Variants in KCNQ5 observed in about 807,000 individuals in gnomAD.
KCNQ5 encodes potassium voltage-gated channel subfamily Q member 5, also known as potassium voltage-gated channel subfamily KQT member 5.
A neutral mutation model predicts 98.2 loss-of-function variants in KCNQ5; 30 were observed. The observed-to-expected ratio is 0.31, with a 90% CI of 0.23 to 0.41. The LOEUF is 0.41. Among genes scored for constraint, KCNQ5 ranks in the 10% least tolerant of loss-of-function variants. The pLI, the probability that KCNQ5 is intolerant of heterozygous loss-of-function variation, is 1.00. For missense variants in KCNQ5, 835 were observed against 1,182.5 expected, an observed-to-expected ratio of 0.71 and a Z score of 4.31; for synonymous variants, 458 against 449.4, an observed-to-expected ratio of 1.02 and a Z score of -0.24.
At chr6:72,919,963 C>T (rs1364755830) in intron 1 of KCNQ5, among the ~76,000 whole-genome samples, 2 of 152,122 alleles carry the variant, frequency 1.3e-5, no homozygotes, top group Non-Finnish European at 2.9e-5. Flanking sequence ...GGCCTGGCTG[C>T]TCACCAAAAG....
intron 1 of KCNQ5, among the ~76,000 whole-genome samples, chr6:72,642,637 G>A (rs1329426285): frequency 1.3e-5 from 2 of 152,112 alleles, no homozygotes; most frequent in African/African-American, 2.4e-5. Flanking sequence ...TGGAGAAAAG[G>A]GAACTCTCAT....
intron 11 of KCNQ5, among the ~76,000 whole-genome samples, chr6:73,184,100 GTCTT>G (rs1473532407): frequency 3.3e-5 from 5 of 152,042 alleles, no homozygotes; most frequent in African/African-American, 1.2e-4. Flanking sequence ...TTGCTATTAG[GTCTT>G]TCTTTACTTT....
At chr6:72,981,923 G>T (rs1001030182) in intron 1 of KCNQ5, among the ~76,000 whole-genome samples, 1 of 152,072 alleles carries the variant, frequency 6.6e-6, no homozygotes, top group African/African-American at 2.4e-5. Context: ...CCCAGTAGTC[G>T]TTCAGGAGCA....
chr6:72,901,587 C>G (rs2150194967), intron 1 of KCNQ5, among the ~76,000 whole-genome samples: 1 of 152,292 alleles, frequency 6.6e-6, no homozygotes, highest in Non-Finnish European at 1.5e-5. Flanking sequence ...TATCCCAGCA[C>G]CATTTGTTGA....
intron 5 of KCNQ5, among the ~76,000 whole-genome samples, chr6:73,092,645 T>C (rs192138729): frequency 8.7e-4 from 133 of 152,314 alleles, no homozygotes; most frequent in Middle Eastern, 3.4e-3. Context: ...TGTTGAATGC[T>C]TTTTCTGCGT....
chr6:72,673,051 C>T (rs1024522020), intron 1 of KCNQ5, among the ~76,000 whole-genome samples: 2 of 152,146 alleles, frequency 1.3e-5, no homozygotes, highest in Non-Finnish European at 2.9e-5. Context: ...AATAACTTTC[C>T]AGTAGTGAGG....
intron 3 of KCNQ5, among the ~76,000 whole-genome samples, chr6:73,061,882 T>A (rs1772796989): frequency 6.6e-6 from 1 of 152,140 alleles, no homozygotes. Flanking sequence ...CTCTAATCAA[T>A]CCTAGAATCG....
chr6:72,965,565 C>T (rs1767562140), intron 1 of KCNQ5, among the ~76,000 whole-genome samples: 1 of 152,086 alleles, frequency 6.6e-6, no homozygotes, highest in Non-Finnish European at 1.5e-5. Flanking sequence ...ATGGCCTCAT[C>T]GGGAATGTGA....
intron 1 of KCNQ5, among the ~76,000 whole-genome samples, chr6:72,650,502 T>G (rs1159790501): frequency 2.6e-5 from 4 of 152,162 alleles, no homozygotes; most frequent in Non-Finnish European, 5.9e-5. Context: ...CAAACTGGCT[T>G]AGACATCTTG....
At chr6:72,768,790 A>G (rs1772706447) in intron 1 of KCNQ5, among the ~76,000 whole-genome samples, 1 of 151,952 alleles carries the variant, frequency 6.6e-6, no homozygotes, top group African/African-American at 2.4e-5. Context: ...AATGTATTAA[A>G]TTTATTTTCA....
At chr6:72,756,943 C>T (rs1385656103) in intron 1 of KCNQ5, among the ~76,000 whole-genome samples, 2 of 151,998 alleles carry the variant, frequency 1.3e-5, no homozygotes, top group Non-Finnish European at 2.9e-5. Context: ...TTAGGATTCT[C>T]TACAAATTCT....
chr6:72,915,918 A>G (rs1306185026), intron 1 of KCNQ5, among the ~76,000 whole-genome samples: 1 of 152,214 alleles, frequency 6.6e-6, no homozygotes, highest in Non-Finnish European at 1.5e-5. Context: ...GCTACTAAAA[A>G]TCATAATCAG....
chr6:72,645,693 G>A (rs1765566151), intron 1 of KCNQ5, among the ~76,000 whole-genome samples: 1 of 152,022 alleles, frequency 6.6e-6, no homozygotes, highest in Non-Finnish European at 1.5e-5. Flanking sequence ...CAGAGTTCTT[G>A]GATCTCACCT....
chr6:72,703,602 T>C (rs1411703932), intron 1 of KCNQ5, among the ~76,000 whole-genome samples: 1 of 152,234 alleles, frequency 6.6e-6, no homozygotes, highest in Non-Finnish European at 1.5e-5. Flanking sequence ...CATAAATTCC[T>C]GTAAACAAGC....
chr6:73,104,045 A>G (rs1025865808), intron 5 of KCNQ5, among the ~76,000 whole-genome samples: 1 of 152,120 alleles, frequency 6.6e-6, no homozygotes, highest in Admixed American at 6.5e-5. Flanking sequence ...GATTTAAAAA[A>G]AACAAGGATG....
chr6:72,950,345 T>C (rs1429282299), intron 1 of KCNQ5, among the ~76,000 whole-genome samples: 1 of 152,218 alleles, frequency 6.6e-6, no homozygotes, highest in Non-Finnish European at 1.5e-5. Context: ...CTACAGTGAT[T>C]CACTTGTTTG....
rs151324701 is a variant in KCNQ5, at chr6:72,694,448, T to A, written c.398+71861T>A. ...CATGGATTGAGAGATGCAGAGGGGT[T>A]ATGTGACAGAGTTAGGAGAAAAAAC... is the stretch of plus-strand genomic sequence containing the variant. On this transcript the variant is annotated intron_variant, in intron 1 of 13. Coordinates refer to ENST00000370398, the MANE Select transcript of KCNQ5 (RefSeq NM_019842.4). Among the ~76,000 whole-genome samples the A allele has an allele frequency of 5.4e-3, 827 of 152,288 alleles. 8 individuals carry two copies. Among genetic ancestry groups the A allele is most frequent in the Non-Finnish European group, 8.3e-3 (564 of 68,016 alleles).
intron 5 of KCNQ5, among the ~76,000 whole-genome samples, chr6:73,081,883 T>C (rs1229301146): frequency 2.0e-5 from 3 of 152,178 alleles, no homozygotes; most frequent in Admixed American, 6.5e-5. Context: ...TTTTTCAGTA[T>C]TATTTCTGAG....
At chr6:72,941,537 TCCTTCCTTTCCTTCTTCCC>T (rs1766282047) in intron 1 of KCNQ5, among the ~76,000 whole-genome samples, 1 of 103,068 alleles carries the variant, frequency 9.7e-6, no homozygotes, top group Non-Finnish European at 2.0e-5. Flanking sequence ...CCTCCTTCCC[TCCTTCCTTTCCTTCTTCCC>T]TCCCTCCTTC....
Sources: allele counts gnomAD v4.1 joint callset (sites outside exome capture counted in the v4.1 genomes callset), GRCh38; gene constraint gnomAD v4.1.1; transcripts MANE v1.5; gene names NCBI Gene and HGNC (gene_info 2026-07-23, HGNC 2026-07-21).